The following EIF3F variants were observed in gnomAD, a reference collection of about 807,000 sequenced individuals.
EIF3F encodes deubiquitinating enzyme eIF3f.
Under a neutral mutation model 36.0 loss-of-function variants are expected in EIF3F, and 8 were observed. The observed-to-expected ratio is 0.22, with a 90% CI of 0.13 to 0.40. The LOEUF (loss-of-function observed/expected upper bound fraction) is 0.40, where lower values mean the gene tolerates loss of function less well. Among genes scored for constraint, EIF3F ranks in the 10% least tolerant of loss-of-function variants. EIF3F has a pLI of 1.00. For missense variants in EIF3F, 430 were observed against 467.6 expected (o/e 0.92, Z 0.74); for synonymous variants, 184 against 188.5 (o/e 0.98, Z 0.19).
intron 2 of EIF3F, 32 bp downstream of exon 2, chr11:7,991,883 T>A (rs755858263): frequency 6.2e-7 from 1 of 1,612,624 alleles, no homozygotes; most frequent in African/African-American, 1.3e-5. Context: ...CCCTCTGCAG[T>A]TTTTAGCTGT....
At chr11:7,995,830 T>G in intron 7 of EIF3F, 115 bp from the exon 8 acceptor site, 3 of 825,694 alleles carry the variant, frequency 3.6e-6, no homozygotes, top group Non-Finnish European at 6.4e-6. Flanking sequence ...CTCCTAGCTG[T>G]CATTTATCCA....
chr11:7,994,618 G>A, intron 5 of EIF3F, 101 bp downstream of exon 5: 1 of 1,093,178 alleles, frequency 9.1e-7, no homozygotes, highest in East Asian at 2.6e-5. Flanking sequence ...GGTTTGAAAA[G>A]GGACTATTGA....
chr11:7,992,183 GC>G lies in EIF3F; in HGVS notation c.515+21del. ...GGGCTGGTAAGTTGGGGAGGTGGGG[GC>G]TGGGGTTAATGGAAGGTCTCTTCGT... On this transcript the variant is annotated intron_variant, in intron 3 of 7. Transcript: ENST00000651655. The G allele has an allele frequency of 6.3e-7, 1 of 1,599,610 alleles. No homozygotes were observed. Among genetic ancestry groups the G allele is most frequent in the African/African-American group, 1.3e-5 (1 of 74,816 alleles).
chr11:7,988,153 C>T (rs1942050505), intron 1 of EIF3F, among the ~76,000 whole-genome samples: 1 of 152,182 alleles, frequency 6.6e-6, no homozygotes. Flanking sequence ...TATCCACTGA[C>T]TAAATGTCAT....
intron 1 of EIF3F, among the ~76,000 whole-genome samples, chr11:7,991,057 T>C (rs1261283356): frequency 1.3e-5 from 2 of 151,624 alleles, no homozygotes; most frequent in Non-Finnish European, 2.9e-5. Context: ...TAGCTGGGCG[T>C]GGTGATGCGC....
rs1263645095 is a variant in EIF3F at position 7,996,043 on chromosome 11, T to C, written c.*21T>C. 1.2e-6 allele frequency: 2 copies of C among 1,611,946 alleles called. No individual in the cohort carries two copies. The highest frequency in any genetic ancestry group is 1.7e-6 in the Non-Finnish European group (2 of 1,178,136). ...TGTGAATGGACCCCAAGCAGTACAC[T>C]TGCTGGTCTAGGTATTAACCCCAGG... On this transcript the variant is annotated 3_prime_UTR_variant, in exon 8 of 8. Coordinates refer to ENST00000651655, the MANE Select transcript of EIF3F (RefSeq NM_003754.3).
At chr11:7,995,193 A>G in intron 6 of EIF3F, 61 bp from the exon 7 acceptor site, 1 of 1,604,662 alleles carries the variant, frequency 6.2e-7, no homozygotes, top group Non-Finnish European at 8.5e-7. Context: ...TGTGCTGATG[A>G]AATGGTAGGG....
Position 8,000,739 on chromosome 11 carries a change from T to C in EIF3F, c.*4717T>C, listed in dbSNP as rs1015382427. 2.0e-5 allele frequency: 3 copies of C among 152,144 alleles called. No individual in the cohort carries two copies. The highest frequency in any genetic ancestry group is 2.9e-5 in the Non-Finnish European group (2 of 68,030). 9.4% of individuals were successfully genotyped at this position (152,144 alleles called of 1,614,324 possible). On this transcript the variant is annotated 3_prime_UTR_variant, in exon 8 of 8. Transcript: ENST00000651655. ...TTACTTAAGAGCGAATGAGTGGTAA[T>C]TTGGAAACAATGTTGGATTCCTACT... is the stretch of plus-strand genomic sequence containing the variant.
chr11:7,987,827 C>G, intron 1 of EIF3F, 111 bp downstream of exon 1: 1 of 1,366,102 alleles, frequency 7.3e-7, no homozygotes. Context: ...CCTTTCCTCC[C>G]ATCCCCAATG....
Position 7,987,727 on chromosome 11 carries a change from A to G in EIF3F, c.364+11A>G, listed in dbSNP as rs1333272125. On this transcript the variant is annotated intron_variant, in intron 1 of 7. Coordinates refer to ENST00000651655, the MANE Select transcript of EIF3F (RefSeq NM_003754.3). ...TCGGGACCCTGTTGGGTGAGTGGTC[A>G]GAGAAAGTTAACATTCTTTTCTTCC... is the stretch of plus-strand genomic sequence containing the variant. The G allele has an allele frequency of 4.0e-6, 6 of 1,500,640 alleles. No individual in the cohort carries two copies. In the South Asian group the frequency reaches 6.8e-5, roughly 17 times the overall value. The allele number at this position is 1,500,640 out of a possible 1,614,324, so 93.0% of individuals were successfully genotyped here.
In EIF3F at chr11:7,996,443, A is replaced by G. The variant is rs373721599; in HGVS notation, c.*421A>G. On this transcript the variant is annotated 3_prime_UTR_variant, in exon 8 of 8. Coordinates refer to ENST00000651655, the MANE Select transcript of EIF3F (RefSeq NM_003754.3). ...AAAATTGGATGCTTAATCTGAACTA[A>G]AAGAGTAGAGTGTGTAGTCACTATC... The G allele has an allele frequency of 1.9e-4, 33 of 170,794 alleles. No homozygotes were observed. The East Asian group carries it at 4.6e-3, about 24-fold the overall frequency. The allele number at this position is 170,794 out of a possible 1,614,324, so 10.6% of individuals were successfully genotyped here. A position where few individuals can be genotyped will look rare whatever the true frequency, so the allele number is the denominator to read the frequency against.
intron 3 of EIF3F, 116 bp from the exon 4 acceptor site, chr11:7,992,771 T>C: frequency 7.5e-7 from 1 of 1,338,548 alleles, no homozygotes. Context: ...GCAGTTGGTG[T>C]CACTAGGTGT....
chr11:7,989,040 G>A (rs897683626), intron 1 of EIF3F, among the ~76,000 whole-genome samples: 1 of 152,150 alleles, frequency 6.6e-6, no homozygotes, highest in Non-Finnish European at 1.5e-5. Flanking sequence ...TGCCACAAGT[G>A]CTTTTCCTGC....
At position 7,995,311 on chromosome 11, in the gene EIF3F, C is replaced by G; in HGVS notation, c.940C>G (p.Gln314Glu). Residue 314 changes from glutamine to glutamate, a missense_variant, in exon 7 of 8, where the codon CAA becomes GAA. Physicochemically the swap from Gln to Glu is conservative, Grantham distance 29. This residue lies in a region of EIF3F where 262 missense variants were observed against 347.4 expected (regional missense o/e 0.75). Transcript: ENST00000651655. ...VGRFLMSLVNQVPKIVPDDFE... is the reference protein window; with the variant it reads ...VGRFLMSLVNEVPKIVPDDFE... ...CCGCTTCCTGATGAGCCTGGTTAAC[C>G]AAGTACCGAAAATAGTTCCCGATGA... 6.2e-7 allele frequency: 1 copy of G among 1,614,138 alleles called. No individual in the cohort carries two copies. Among genetic ancestry groups the G allele is most frequent in the East Asian group, 2.2e-5 (1 of 44,876 alleles).
At chr11:7,994,646 CTA>C in intron 5 of EIF3F, 129 bp downstream of exon 5, 1 of 826,090 alleles carries the variant, frequency 1.2e-6, no homozygotes, top group African/African-American at 1.7e-5. Context: ...TTTGTGAAGA[CTA>C]GAAGTCACAG....
At chr11:7,991,425 C>A (rs920981749) in intron 1 of EIF3F, among the ~76,000 whole-genome samples, 1 of 151,956 alleles carries the variant, frequency 6.6e-6, no homozygotes, top group Non-Finnish European at 1.5e-5. Flanking sequence ...TTAAAATATT[C>A]CAGGTAGCTC....
At chr11:7,987,827 C>T in intron 1 of EIF3F, 111 bp downstream of exon 1, 2 of 1,366,102 alleles carry the variant, frequency 1.5e-6, no homozygotes, top group East Asian at 3.0e-5. Flanking sequence ...CCTTTCCTCC[C>T]ATCCCCAATG....
chr11:7,991,253 T>A (rs369438590), intron 1 of EIF3F, among the ~76,000 whole-genome samples: 2 of 150,850 alleles, frequency 1.3e-5, no homozygotes, highest in East Asian at 3.9e-4. Flanking sequence ...AGAACAAAAG[T>A]TTGTGGTAAA....
At chr11:7,992,622 A>G (rs761443642) in intron 3 of EIF3F, 8 of 508,082 alleles carry the variant, frequency 1.6e-5, no homozygotes, top group Non-Finnish European at 2.5e-5. Context: ...CTGTGAATTC[A>G]GTGGGTTTTG....
Sources: allele counts gnomAD v4.1 joint callset (sites outside exome capture counted in the v4.1 genomes callset), GRCh38; gene constraint gnomAD v4.1.1; regional missense constraint gnomAD v4.1.1; transcripts MANE v1.5; gene names NCBI Gene and HGNC (gene_info 2026-07-23, HGNC 2026-07-21).